GRID2: variants seen among roughly 807,000 people sequenced by gnomAD.
GRID2 encodes the protein glutamate receptor ionotropic, delta-2.
In GRID2, 33 loss-of-function variants were observed where a neutral mutation model predicts 114.8. The ratio of observed to expected loss-of-function variants is 0.29; its 90% confidence interval spans 0.22 to 0.38. The LOEUF (loss-of-function observed/expected upper bound fraction) is 0.38. GRID2 is among the 10% of genes least tolerant of loss of function. GRID2 has a pLI of 1.00. For missense variants in GRID2, 1,184 were observed against 1,257.7 expected (o/e 0.94, Z 0.89); for synonymous variants, 505 against 449.9 (o/e 1.12, Z -1.55).
At chr4:93,437,234 T>C (rs1721176685) in intron 10 of GRID2, among the ~76,000 whole-genome samples, 1 of 152,146 alleles carries the variant, frequency 6.6e-6, no homozygotes, top group Non-Finnish European at 1.5e-5. Flanking sequence ...TGATAAGTAC[T>C]ACTATTATCT....
Position 93,466,867 on chromosome 4 carries a change from A to G in GRID2, c.1858+10893A>G, listed in dbSNP as rs114516415. Among the ~76,000 whole-genome samples, 776 of 152,328 alleles carry G rather than the reference A, an allele frequency of 5.1e-3. 6 individuals carry two copies. Among genetic ancestry groups the G allele is most frequent in the African/African-American group, 0.018 (743 of 41,584 alleles). ...AACTGAAAGCAGTCTTGTCAATTAT[A>G]TAGAAACATAACCTATGTTAAATAT... On this transcript the variant is annotated intron_variant, in intron 11 of 15. Transcript: ENST00000282020.
intron 14 of GRID2, among the ~76,000 whole-genome samples, chr4:93,708,696 A>G (rs1560930207): frequency 6.6e-6 from 1 of 151,936 alleles, no homozygotes; most frequent in African/African-American, 2.4e-5. Flanking sequence ...AGGACTTACT[A>G]CTGCCAATTT....
intron 13 of GRID2, among the ~76,000 whole-genome samples, chr4:93,599,743 C>T (rs773091520): frequency 3.3e-5 from 5 of 152,120 alleles, no homozygotes; most frequent in African/African-American, 7.2e-5. Context: ...AGGAAAGAGT[C>T]GCAGTTACAT....
At chr4:93,096,144 C>A (rs995969117) in intron 3 of GRID2, among the ~76,000 whole-genome samples, 5 of 151,928 alleles carry the variant, frequency 3.3e-5, no homozygotes, top group Non-Finnish European at 5.9e-5. Flanking sequence ...ATTGCTGAAC[C>A]AATTGGGTCC....
At chr4:92,982,434 A>T (rs2149189694) in intron 2 of GRID2, among the ~76,000 whole-genome samples, 1 of 152,228 alleles carries the variant, frequency 6.6e-6, no homozygotes, top group Admixed American at 6.5e-5. Flanking sequence ...TTGAGTGATT[A>T]AAAATTACTC....
intron 3 of GRID2, among the ~76,000 whole-genome samples, chr4:93,091,517 T>C (rs1021327067): frequency 2.0e-5 from 3 of 152,246 alleles, no homozygotes. Context: ...TTAACATCTG[T>C]CCTTTCCCCA....
intron 4 of GRID2, among the ~76,000 whole-genome samples, chr4:93,113,323 C>G (rs74652203): frequency 2.0e-5 from 3 of 152,044 alleles, no homozygotes; most frequent in Non-Finnish European, 4.4e-5. Flanking sequence ...CTGAGGTGTA[C>G]AGGGTTTAAG....
intron 1 of GRID2, among the ~76,000 whole-genome samples, chr4:92,480,741 G>A (rs923902371): frequency 9.9e-5 from 15 of 152,104 alleles, no homozygotes; most frequent in African/African-American, 2.9e-4. Flanking sequence ...TCTAAGTAAC[G>A]TAACATTCAT....
chr4:93,425,304 T>C (rs1768734248), intron 10 of GRID2, among the ~76,000 whole-genome samples: 1 of 152,202 alleles, frequency 6.6e-6, no homozygotes, highest in Admixed American at 6.5e-5. Flanking sequence ...GATAGTTAAA[T>C]CACTATCTGT....
At chr4:92,859,178 A>G (rs1744370630) in intron 2 of GRID2, among the ~76,000 whole-genome samples, 1 of 152,108 alleles carries the variant, frequency 6.6e-6, no homozygotes, top group African/African-American at 2.4e-5. Context: ...AGCAACCAGA[A>G]CTCTGATCAG....
intron 1 of GRID2, among the ~76,000 whole-genome samples, chr4:92,477,713 C>A (rs1200030681): frequency 6.7e-6 from 1 of 148,654 alleles, no homozygotes; most frequent in Non-Finnish European, 1.5e-5. Context: ...ATTATTTTGA[C>A]AAAATGTCCA....
chr4:93,652,522 C>A (rs539280193), intron 14 of GRID2, among the ~76,000 whole-genome samples: 2 of 152,082 alleles, frequency 1.3e-5, no homozygotes, highest in African/African-American at 4.8e-5. Context: ...ACATGCAGTA[C>A]AGGTTTGAAC....
intron 4 of GRID2, among the ~76,000 whole-genome samples, chr4:93,198,653 A>G (rs11940074): frequency 0.19 from 29,395 of 151,866 alleles, 5,008 homozygotes; most frequent in African/African-American, 0.46. Context: ...TACTGCCTGG[A>G]GTTAGAGAGG....
intron 9 of GRID2, among the ~76,000 whole-genome samples, chr4:93,399,114 A>G (rs888489831): frequency 3.3e-5 from 5 of 151,892 alleles, no homozygotes; most frequent in African/African-American, 1.2e-4. Context: ...TTGTCACCTA[A>G]ACGCAACCTC....
intron 1 of GRID2, among the ~76,000 whole-genome samples, chr4:92,568,999 G>A (rs758042081): frequency 6.6e-5 from 10 of 151,858 alleles, no homozygotes; most frequent in African/African-American, 9.7e-5. Context: ...AAGGGTACAT[G>A]TGCAAGACAT....
chr4:92,491,832 C>CAT (rs1723161438), intron 1 of GRID2, among the ~76,000 whole-genome samples: 1 of 152,110 alleles, frequency 6.6e-6, no homozygotes, highest in Non-Finnish European at 1.5e-5. Flanking sequence ...CATTTCTAAA[C>CAT]ATTTCTCATA....
intron 14 of GRID2, among the ~76,000 whole-genome samples, chr4:93,740,304 C>A (rs1377264796): frequency 6.6e-6 from 1 of 152,104 alleles, no homozygotes; most frequent in Admixed American, 6.6e-5. Context: ...CCTAGTGATG[C>A]ATTTCTCAGA....
At chr4:92,436,063 G>A (rs1035319198) in intron 1 of GRID2, among the ~76,000 whole-genome samples, 1 of 152,078 alleles carries the variant, frequency 6.6e-6, no homozygotes, top group Non-Finnish European at 1.5e-5. Flanking sequence ...TGGGAATTAA[G>A]GATTATATTC....
At chr4:93,229,386 G>T (rs192489912) in intron 7 of GRID2, among the ~76,000 whole-genome samples, 175 of 152,264 alleles carry the variant, frequency 1.1e-3, no homozygotes, top group African/African-American at 4.1e-3. Flanking sequence ...GCTGGCAAAA[G>T]GTTCCCACTC....
Sources: allele counts gnomAD v4.1 joint callset (sites outside exome capture counted in the v4.1 genomes callset), GRCh38; gene constraint gnomAD v4.1.1; transcripts MANE v1.5; gene names NCBI Gene and HGNC (gene_info 2026-07-23, HGNC 2026-07-21).